The following ANO10 variants were observed in gnomAD, a reference collection of about 807,000 sequenced individuals.
ANO10 encodes the protein anoctamin 10.
ANO10 carries 77 observed loss-of-function variants against 74.7 expected under a neutral mutation model. The ratio of observed to expected loss-of-function variants is 1.03; its 90% confidence interval spans 0.86 to 1.25. ANO10 has a LOEUF of 1.25. Ranked by LOEUF, ANO10 falls within the 50% of genes most tolerant of loss-of-function variation. The pLI, the probability that ANO10 is intolerant of heterozygous loss-of-function variation, is 0.00. For missense variants in ANO10, 721 were observed against 778.1 expected, an observed-to-expected ratio of 0.93 and a Z score of 0.87; for synonymous variants, 279 against 284.9, an observed-to-expected ratio of 0.98 and a Z score of 0.21.
At chr3:43,635,764 C>T (rs540659080) in intron 1 of ANO10, among the ~76,000 whole-genome samples, 29 of 152,036 alleles carry the variant, frequency 1.9e-4, no homozygotes, top group African/African-American at 4.3e-4. Flanking sequence ...GGACTACAGA[C>T]GCGCACCCAC....
chr3:43,424,713 G>A (rs2092872278), intron 12 of ANO10: 1 of 152,158 alleles, frequency 6.6e-6, no homozygotes, highest in African/African-American at 2.4e-5. Flanking sequence ...ACTCTAGTCT[G>A]AATTTTTGGG....
At chr3:43,614,280 T>C (rs1357959694) in intron 1 of ANO10, among the ~76,000 whole-genome samples, 1 of 152,212 alleles carries the variant, frequency 6.6e-6, no homozygotes, top group East Asian at 1.9e-4. Context: ...ATATGAGCAC[T>C]ATCTACAAAC....
intron 12 of ANO10, among the ~76,000 whole-genome samples, chr3:43,367,752 T>G (rs1460566957): frequency 6.6e-6 from 1 of 151,676 alleles, no homozygotes; most frequent in Admixed American, 6.5e-5. Context: ...GTTTTATGGC[T>G]AGAAAACACC....
intron 11 of ANO10, among the ~76,000 whole-genome samples, chr3:43,469,750 G>C (rs1041968849): frequency 1.3e-5 from 2 of 152,118 alleles, no homozygotes; most frequent in African/African-American, 4.8e-5. Flanking sequence ...CTAATGACTA[G>C]AGTCTTTAAA....
intron 1 of ANO10, among the ~76,000 whole-genome samples, chr3:43,685,467 C>CT (rs540159152): frequency 2.0e-4 from 30 of 152,054 alleles, no homozygotes; most frequent in East Asian, 5.8e-4. Flanking sequence ...TAATGTCTTT[C>CT]TTTTTTTTGA....
At chr3:43,534,475 TGA>T (rs199887096) in intron 11 of ANO10, among the ~76,000 whole-genome samples, 8 of 139,016 alleles carry the variant, frequency 5.8e-5, no homozygotes, top group Non-Finnish European at 4.5e-5. Flanking sequence ...CGTGCGCGCA[TGA>T]GAGAGAGCGC....
In ANO10 at chr3:43,620,376, A is replaced by G. The variant is rs79496202; in HGVS notation, c.-12+1533T>C. ...TAATTTTGTGTACATTCATATACAC[A>G]AAAATACAAAAATTAGGAAGAAATG... On this transcript the variant is annotated intron_variant, in intron 1 of 12. Transcript: ENST00000292246. Among the ~76,000 whole-genome samples the G allele has an allele frequency of 3.9e-5, 6 of 152,346 alleles. No individual in the cohort carries two copies. The East Asian group carries it at 1.2e-3, about 29-fold the overall frequency.
At chr3:43,685,200 ATCT>A (rs923526626) in intron 1 of ANO10, among the ~76,000 whole-genome samples, 4 of 152,210 alleles carry the variant, frequency 2.6e-5, no homozygotes, top group Non-Finnish European at 4.4e-5. Context: ...CTCTAGTGAC[ATCT>A]TCTTTTCCAT....
At chr3:43,391,180 A>G (rs986016879) in intron 12 of ANO10, among the ~76,000 whole-genome samples, 1 of 152,198 alleles carries the variant, frequency 6.6e-6, no homozygotes. Context: ...CTACAGGAGA[A>G]TGTTCCCTAA....
At chr3:43,420,162 T>C (rs976470841) in intron 12 of ANO10, among the ~76,000 whole-genome samples, 28 of 152,242 alleles carry the variant, frequency 1.8e-4, no homozygotes, top group African/African-American at 6.0e-4. Flanking sequence ...AAGTAAAAAA[T>C]ATGCTGGGCA....
chr3:43,539,142 CCCCTCCTGCT>C (rs1245008841), intron 11 of ANO10, among the ~76,000 whole-genome samples: 1 of 152,116 alleles, frequency 6.6e-6, no homozygotes, highest in African/African-American at 2.4e-5. Flanking sequence ...TCTTATTTCA[CCCCTCCTGCT>C]CCCTCCTGGT....
chr3:43,436,951 G>A (rs556405210), intron 11 of ANO10, among the ~76,000 whole-genome samples: 2 of 152,258 alleles, frequency 1.3e-5, no homozygotes, highest in South Asian at 4.1e-4. Flanking sequence ...AGAGTTACCT[G>A]TCTCCATTCA....
intron 4 of ANO10, among the ~76,000 whole-genome samples, chr3:43,591,134 C>T (rs2081728156): frequency 6.6e-6 from 1 of 152,214 alleles, no homozygotes; most frequent in African/African-American, 2.4e-5. Flanking sequence ...AATCTTGCAA[C>T]TGCACATTCT....
At chr3:43,429,931 T>C (rs1052152010) in intron 12 of ANO10, among the ~76,000 whole-genome samples, 6 of 152,254 alleles carry the variant, frequency 3.9e-5, no homozygotes, top group Admixed American at 3.9e-4. Flanking sequence ...TGGAGAGTAA[T>C]TGAAATTAAA....
chr3:43,616,120 A>G (rs1252927041), intron 1 of ANO10, among the ~76,000 whole-genome samples: 3 of 152,188 alleles, frequency 2.0e-5, no homozygotes, highest in African/African-American at 7.2e-5. Context: ...GTACATAAGC[A>G]TATCATCTTC....
upstream of ANO10, among the ~76,000 whole-genome samples, chr3:43,624,694 A>G (rs889791865): frequency 6.6e-6 from 1 of 152,200 alleles, no homozygotes; most frequent in Non-Finnish European, 1.5e-5. Flanking sequence ...ACCCAGTCTC[A>G]GTTATTTCTT....
chr3:43,633,686 CTAA>C (rs1397669893), intron 1 of ANO10, among the ~76,000 whole-genome samples: 1 of 152,088 alleles, frequency 6.6e-6, no homozygotes, highest in East Asian at 1.9e-4. Flanking sequence ...CATGTATGAG[CTAA>C]TAATAAGTTA....
intron 1 of ANO10, among the ~76,000 whole-genome samples, chr3:43,681,775 T>G (rs1343933161): frequency 2.0e-5 from 3 of 150,982 alleles, no homozygotes; most frequent in African/African-American, 4.9e-5. Flanking sequence ...ATTAAGAAAC[T>G]CACTCAAAAC....
At chr3:43,506,037 T>C (rs142689977) in intron 11 of ANO10, among the ~76,000 whole-genome samples, 65 of 152,336 alleles carry the variant, frequency 4.3e-4, no homozygotes, top group African/African-American at 1.5e-3. Flanking sequence ...TAAGATATAG[T>C]GTTCCTGCAA....
Sources: allele counts gnomAD v4.1 joint callset (sites outside exome capture counted in the v4.1 genomes callset), GRCh38; gene constraint gnomAD v4.1.1; transcripts MANE v1.5; gene names NCBI Gene and HGNC (gene_info 2026-07-23, HGNC 2026-07-21).